The following ENPP3 variants were observed in gnomAD, a reference collection of about 807,000 sequenced individuals.
ENPP3 encodes ectonucleotide pyrophosphatase/phosphodiesterase 3, also known as ectonucleotide pyrophosphatase/phosphodiesterase family member 3.
Under a neutral mutation model 117.8 loss-of-function variants are expected in ENPP3, and 104 were observed. That is an observed-to-expected ratio of 0.88 (90% CI 0.75 to 1.04). The LOEUF (loss-of-function observed/expected upper bound fraction) is 1.04, where lower values mean the gene tolerates loss of function less well. ENPP3 is among the 50% of genes least tolerant of loss of function. The pLI, the probability that ENPP3 is intolerant of heterozygous loss-of-function variation, is 0.00. For synonymous variants in ENPP3, 380 were observed against 349.9 expected (o/e 1.09, Z -0.96); for missense variants, 1,026 against 1,051.9 (o/e 0.98, Z 0.34).
intron 4 of ENPP3, 56 bp downstream of exon 4, chr6:131,652,723 GT>G: frequency 6.2e-7 from 1 of 1,609,520 alleles, no homozygotes; most frequent in Non-Finnish European, 8.5e-7. Flanking sequence ...AACTCCATGA[GT>G]TTCCTAGAGC....
At chr6:131,688,896 C>CA (rs34743742) in intron 14 of ENPP3, among the ~76,000 whole-genome samples, 14,566 of 88,184 alleles carry the variant, frequency 0.17, 1,076 homozygotes, top group East Asian at 0.42. Flanking sequence ...ACTAAAAATC[C>CA]AAAAAAAAAA....
At chr6:131,706,740 A>G (rs570879171) in intron 15 of ENPP3, among the ~76,000 whole-genome samples, 99 of 151,186 alleles carry the variant, frequency 6.5e-4, no homozygotes, top group Admixed American at 2.2e-3. Flanking sequence ...GATTATTTTG[A>G]TTGACTTTTT....
intron 2 of ENPP3, among the ~76,000 whole-genome samples, chr6:131,643,753 T>A (rs1585609340): frequency 6.6e-6 from 1 of 152,172 alleles, no homozygotes; most frequent in Non-Finnish European, 1.5e-5. Context: ...GTGCTTGGTA[T>A]TATTACAATT....
At chr6:131,718,164 A>G (rs1244866612) in intron 15 of ENPP3, among the ~76,000 whole-genome samples, 1 of 152,156 alleles carries the variant, frequency 6.6e-6, no homozygotes, top group African/African-American at 2.4e-5. Context: ...ATGCTTTCAT[A>G]TTATTTTCCT....
Position 131,650,046 on chromosome 6 carries a change from C to G in ENPP3, c.174C>G (p.Cys58Trp). The G allele has an allele frequency of 6.2e-7, 1 of 1,613,882 alleles. No homozygotes were observed. The highest frequency in any genetic ancestry group is 1.7e-4 in the Middle Eastern group (1 of 6,056). Residue 58 changes from cysteine to tryptophan, a missense_variant, in exon 3 of 25, where the codon TGC (cysteine) becomes TGG (tryptophan). Physicochemically the swap from Cys to Trp is radical, Grantham distance 215. Coordinates refer to ENST00000357639, the MANE Select transcript of ENPP3 (RefSeq NM_005021.5). Reference protein sequence around the residue: ...LEKQGSCRKKCFDASFRGLEN... With the variant: ...LEKQGSCRKKWFDASFRGLEN... ...TTGTAGGCAGCTGCAGGAAGAAGTG[C>G]TTTGATGCATCATTTAGAGGACTGG...
chr6:131,746,682 G>A lies in ENPP3; in HGVS notation c.2458-104G>A, dbSNP rs1031023704. 9.3e-6 allele frequency: 9 copies of A among 963,270 alleles called. No homozygotes were observed. The African/African-American group carries it at 1.5e-4, about 16-fold the overall frequency. The allele number at this position is 963,270 out of a possible 1,614,324, so 59.7% of individuals were successfully genotyped here. On this transcript the variant is annotated intron_variant, in intron 24 of 24. Coordinates refer to ENST00000357639, the MANE Select transcript of ENPP3 (RefSeq NM_005021.5). ...CTGTATCAAATTAAGATTTAAGGAG[G>A]TAAAAATCATCGGCAAAAAGACAAC...
intron 1 of ENPP3, among the ~76,000 whole-genome samples, chr6:131,640,319 C>T (rs1778015319): frequency 6.6e-6 from 1 of 152,200 alleles, no homozygotes. Context: ...AAGGGAGGAA[C>T]TGCTAATGGT....
intron 2 of ENPP3, among the ~76,000 whole-genome samples, chr6:131,648,601 T>A (rs1778196931): frequency 6.6e-6 from 1 of 152,166 alleles, no homozygotes; most frequent in Non-Finnish European, 1.5e-5. Flanking sequence ...AAAATAAATA[T>A]TCATAGAATA....
In ENPP3 at chr6:131,738,134, C is replaced by T. The variant is rs754535796; in HGVS notation, c.2271C>T (p.Gly757=). 3 of 1,610,136 alleles carry T rather than the reference C, an allele frequency of 1.9e-6. No individual in the cohort carries two copies. The highest frequency in any genetic ancestry group is 2.5e-6 in the Non-Finnish European group (3 of 1,177,820). Residue 757 remains glycine, a synonymous_variant, in exon 23 of 25, where the codon GGC becomes GGT. Coordinates refer to ENST00000357639, the MANE Select transcript of ENPP3 (RefSeq NM_005021.5). ...SGPIFDYNYD[G]HFDAPDEITK... is the part of the protein sequence containing the mutation. ...CAATATTTGATTATAATTATGATGG[C>T]CATTTTGATGCTCCAGATGAAATTA...
chr6:131,652,803 A>G (rs1184617887), intron 4 of ENPP3, 28 bp from the exon 5 acceptor site: 3 of 1,604,122 alleles, frequency 1.9e-6, no homozygotes, highest in African/African-American at 2.7e-5. Context: ...TGCAGCAAGT[A>G]TCAAGATTTT....
intron 20 of ENPP3, among the ~76,000 whole-genome samples, chr6:131,732,658 A>G (rs1379089542): frequency 6.6e-6 from 1 of 151,078 alleles, no homozygotes; most frequent in Non-Finnish European, 1.5e-5. Flanking sequence ...ACCCGCCTCA[A>G]CCTTCTAAAG....
At chr6:131,658,535 T>A (rs764301070) in intron 6 of ENPP3, 115 bp downstream of exon 6, 3 of 630,768 alleles carry the variant, frequency 4.8e-6, no homozygotes, top group Non-Finnish European at 8.4e-6. Context: ...TTAGCCTAGA[T>A]CCTCTCTGAC....
rs536688166 is a variant in ENPP3, at chr6:131,733,642, A to C, written c.2008A>C (p.Arg670=). Residue 670 remains arginine, a synonymous_variant, in exon 21 of 25, where the codon AGG becomes CGG. Coordinates refer to ENST00000357639, the MANE Select transcript of ENPP3 (RefSeq NM_005021.5). ...CCCAGACTGTCTGCGGGCTGATGTC[A>C]GGGTTCCTCCTTCTGAGAGCCAAAA... ...TVPDCLRADV[R]VPPSESQKCS... 17 of 1,614,160 alleles carry C rather than the reference A, an allele frequency of 1.1e-5. No homozygotes were observed. In the East Asian group the frequency reaches 3.6e-4, roughly 34 times the overall value.
intron 11 of ENPP3, among the ~76,000 whole-genome samples, chr6:131,681,817 G>A (rs1779028993): frequency 6.6e-6 from 1 of 152,036 alleles, no homozygotes; most frequent in Admixed American, 6.6e-5. Flanking sequence ...ACATTGTTTT[G>A]TGACTATTTT....
At chr6:131,738,507 A>G (rs1389024368) in intron 23 of ENPP3, among the ~76,000 whole-genome samples, 1 of 148,932 alleles carries the variant, frequency 6.7e-6, no homozygotes, top group East Asian at 1.9e-4. Context: ...CAGTAAATGA[A>G]AAAAAAGTCG....
chr6:131,727,937 A>G (rs771765455), intron 20 of ENPP3, among the ~76,000 whole-genome samples: 7 of 152,216 alleles, frequency 4.6e-5, no homozygotes, highest in Non-Finnish European at 7.3e-5. Flanking sequence ...TTCCAATTCA[A>G]AATTTTTGGA....
intron 24 of ENPP3, 113 bp from the exon 25 acceptor site, chr6:131,746,673 T>C: frequency 1.2e-6 from 1 of 840,288 alleles, no homozygotes; most frequent in Non-Finnish European, 1.9e-6. Flanking sequence ...CAAATTAAGA[T>C]TTAAGGAGGT....
Position 131,658,425 on chromosome 6 carries a change from G to T in ENPP3, c.562+5G>T. 3.5e-6 allele frequency: 5 copies of T among 1,432,994 alleles called. No homozygotes were observed. The highest frequency in any genetic ancestry group is 4.9e-6 in the Non-Finnish European group (5 of 1,015,526). The allele number at this position is 1,432,994 out of a possible 1,614,324, so 88.8% of individuals were successfully genotyped here. Reference sequence around the variant, plus strand: ...TGCCAAATATCAATAAACTGAGTAAGTCTTCTGTAACTAGTGGCATGCAAA... The same window carrying T: ...TGCCAAATATCAATAAACTGAGTAATTCTTCTGTAACTAGTGGCATGCAAA... On this transcript the variant is annotated splice_donor_5th_base_variant and intron_variant, in intron 6 of 24. Transcript: ENST00000357639.
chr6:131,676,849 G>C (rs771229438), intron 10 of ENPP3, 48 bp downstream of exon 10: 2 of 1,222,892 alleles, frequency 1.6e-6, no homozygotes, highest in Admixed American at 4.4e-5. Flanking sequence ...ATATATATGG[G>C]TAAAAAATGA....
Sources: allele counts gnomAD v4.1 joint callset (sites outside exome capture counted in the v4.1 genomes callset), GRCh38; gene constraint gnomAD v4.1.1; transcripts MANE v1.5; gene names NCBI Gene and HGNC (gene_info 2026-07-23, HGNC 2026-07-21).